Variants in CUBN observed in about 807,000 individuals in gnomAD.
The protein encoded by CUBN is 460 kDa receptor.
CUBN carries 282 observed loss-of-function variants against 405.3 expected under a neutral mutation model. The observed-to-expected ratio is 0.70, with a 90% confidence interval of 0.63 to 0.77. CUBN has a LOEUF of 0.77. Among genes scored for constraint, CUBN ranks in the 30% least tolerant of loss-of-function variants. The pLI is 0.00. For missense variants in CUBN, 4,514 were observed against 4,475.2 expected, an observed-to-expected ratio of 1.01 and a Z score of -0.25; for synonymous variants, 1,684 against 1,617.0, an observed-to-expected ratio of 1.04 and a Z score of -0.99.
At position 17,017,826 on chromosome 10, in the gene CUBN, C is replaced by T. The variant is rs143052924; in HGVS notation, c.4168+2007G>A. On this transcript the variant is annotated intron_variant, in intron 28 of 66. Transcript: ENST00000377833. ...AGAGACAGGGAGTGGTTTTTAGAAG[C>T]GGGACTAGCCTCAGAGAAGAGAGGC... 8.5e-3 allele frequency among the ~76,000 whole-genome samples: 1,289 copies of T among 152,126 alleles called. 16 individuals are homozygous for T. The highest frequency in any genetic ancestry group is 0.029 in the African/African-American group (1,208 of 41,484).
intron 27 of CUBN, among the ~76,000 whole-genome samples, chr10:17,025,513 A>G (rs1377385812): frequency 1.3e-5 from 2 of 152,240 alleles, no homozygotes; most frequent in African/African-American, 4.8e-5. Flanking sequence ...CCAACAGCAA[A>G]TGAGATAAAC....
At chr10:17,009,909 C>T (rs1277876140) in intron 28 of CUBN, among the ~76,000 whole-genome samples, 3 of 152,190 alleles carry the variant, frequency 2.0e-5, no homozygotes, top group Non-Finnish European at 4.4e-5. Context: ...GTACAATGTG[C>T]CCTTTCAACA....
rs563850226 is a variant in CUBN at position 17,044,932 on chromosome 10, G to A, written c.3672+75C>T. The A allele has an allele frequency of 1.1e-4, 161 of 1,419,622 alleles. No homozygotes were observed. In the Admixed American group the frequency reaches 1.3e-3, roughly 12 times the overall value. The allele number at this position is 1,419,622 out of a possible 1,614,324, so 87.9% of individuals were successfully genotyped here. On this transcript the variant is annotated intron_variant, in intron 25 of 66. Transcript: ENST00000377833. Reference sequence around the variant, plus strand: ...TAGATGCTCCCCTTTCCTGAATCTCGAAAATAAAAATAAGTGCATTGTGCG... The same window carrying A: ...TAGATGCTCCCCTTTCCTGAATCTCAAAAATAAAAATAAGTGCATTGTGCG...
chr10:16,880,614 T>C (rs1840641127), intron 56 of CUBN, among the ~76,000 whole-genome samples: 1 of 152,216 alleles, frequency 6.6e-6, no homozygotes, highest in Admixed American at 6.5e-5. Flanking sequence ...ACTTTGTATC[T>C]AAGCTAACTT....
intron 59 of CUBN, among the ~76,000 whole-genome samples, chr10:16,857,171 A>G (rs571283310): frequency 2.0e-4 from 30 of 152,324 alleles, no homozygotes; most frequent in Non-Finnish European, 1.9e-4. Flanking sequence ...ACAAGAAAAA[A>G]GTTAGTAGTT....
chr10:17,044,182 C>A (rs1835073329), intron 25 of CUBN, among the ~76,000 whole-genome samples, 199 bp from the exon 26 acceptor site: 2 of 144,532 alleles, frequency 1.4e-5, no homozygotes, highest in African/African-American at 2.5e-5. Flanking sequence ...TTATTTAATA[C>A]ATATATTTTT....
At chr10:16,982,337 C>T in intron 31 of CUBN, 147 bp downstream of exon 31, 1 of 716,362 alleles carries the variant, frequency 1.4e-6, no homozygotes, top group Non-Finnish European at 2.4e-6. Flanking sequence ...AAATAAATGT[C>T]CTTATATTTT....
chr10:17,114,156 T>C lies in CUBN; in HGVS notation c.754A>G (p.Met252Val), dbSNP rs1836832892. The C allele has an allele frequency of 6.2e-7, 1 of 1,613,762 alleles. No individual in the cohort carries two copies. Residue 252 changes from methionine (M) to valine (V), a missense_variant, in exon 8 of 67, where the codon ATG (methionine) becomes GTG (valine). Met to Val is a conservative substitution (Grantham distance 21). Around this residue, in one of 5 missense-constraint regions of CUBN, gnomAD observed 1,448 missense variants for 1,388.0 expected, o/e 1.04. Coordinates refer to ENST00000377833, the MANE Select transcript of CUBN (RefSeq NM_001081.4). ...CAGGCAGGGCTGTTGGGTGAAAACA[T>C]CCACCCAGCATCACAGACGCAGCTG... ...KYSCVCDAGWMFSPNSPACTL... is the reference protein window; with the variant it reads ...KYSCVCDAGWVFSPNSPACTL...
At chr10:16,894,742 G>T (rs1013762427) in intron 54 of CUBN, among the ~76,000 whole-genome samples, 2 of 152,188 alleles carry the variant, frequency 1.3e-5, no homozygotes, top group Non-Finnish European at 2.9e-5. Flanking sequence ...AGACTTTGGA[G>T]AAAATTTGAT....
chr10:16,988,381 G>A (rs1311917965), intron 29 of CUBN, among the ~76,000 whole-genome samples: 1 of 152,118 alleles, frequency 6.6e-6, no homozygotes, highest in Non-Finnish European at 1.5e-5. Context: ...TGAATTTCAG[G>A]AGGCACCTTG....
At chr10:16,904,367 A>G (rs1459564884) in intron 50 of CUBN, among the ~76,000 whole-genome samples, 1 of 152,230 alleles carries the variant, frequency 6.6e-6, no homozygotes, top group African/African-American at 2.4e-5. Context: ...TTTTGTTCCA[A>G]TTTGTGTTTT....
At chr10:16,932,233 A>G (rs898079621) in intron 40 of CUBN, among the ~76,000 whole-genome samples, 6 of 152,180 alleles carry the variant, frequency 3.9e-5, no homozygotes, top group African/African-American at 1.4e-4. Flanking sequence ...GGGATCAGGG[A>G]TAAGGGAGAC....
At chr10:16,852,335 C>T (rs80011357) in intron 59 of CUBN, among the ~76,000 whole-genome samples, 6,378 of 120,676 alleles carry the variant, frequency 0.053, 877 homozygotes, top group African/African-American at 0.26. Flanking sequence ...CTCCATCTTT[C>T]CCTCCCTCCC....
At chr10:16,833,082 A>G (rs947850941) in intron 64 of CUBN, among the ~76,000 whole-genome samples, 1 of 152,198 alleles carries the variant, frequency 6.6e-6, no homozygotes, top group Non-Finnish European at 1.5e-5. Flanking sequence ...TTTGCTTCCC[A>G]GCATCTATCA....
intron 17 of CUBN, among the ~76,000 whole-genome samples, chr10:17,078,976 A>C (rs2131857123): frequency 6.6e-6 from 1 of 152,306 alleles, no homozygotes; most frequent in South Asian, 2.1e-4. Context: ...AAACACAGCA[A>C]AAATGTATTC....
At chr10:17,060,992 T>C (rs942017759) in intron 22 of CUBN, among the ~76,000 whole-genome samples, 7 of 152,168 alleles carry the variant, frequency 4.6e-5, no homozygotes, top group Non-Finnish European at 8.8e-5. Context: ...GAGGTTGCAG[T>C]GAGCTGAGAT....
At chr10:16,940,482 C>T (rs955104278) in intron 36 of CUBN, among the ~76,000 whole-genome samples, 9 of 151,918 alleles carry the variant, frequency 5.9e-5, no homozygotes, top group East Asian at 1.9e-4. Context: ...CAAAACTGGA[C>T]GAGAATACAG....
chr10:16,895,508 C>T (rs557640002), intron 54 of CUBN, among the ~76,000 whole-genome samples: 2 of 152,196 alleles, frequency 1.3e-5, no homozygotes, highest in African/African-American at 2.4e-5. Flanking sequence ...CAGCTATAAC[C>T]GAAGATTTGT....
intron 10 of CUBN, 90 bp downstream of exon 10, chr10:17,109,550 G>C: frequency 6.5e-6 from 7 of 1,078,348 alleles, no homozygotes; most frequent in Non-Finnish European, 1.0e-5. Flanking sequence ...TAACAATTTT[G>C]AGAACAGAGG....
Sources: allele counts gnomAD v4.1 joint callset (sites outside exome capture counted in the v4.1 genomes callset), GRCh38; gene constraint gnomAD v4.1.1; regional missense constraint gnomAD v4.1.1; transcripts MANE v1.5; gene names NCBI Gene and HGNC (gene_info 2026-07-23, HGNC 2026-07-21).